Variants in MACF1 observed in about 807,000 individuals in gnomAD.
MACF1 encodes the protein microtubule actin crosslinking factor 1.
In MACF1, 193 loss-of-function variants were observed where a neutral mutation model predicts 854.8. That is an observed-to-expected ratio of 0.23 (90% confidence interval 0.20 to 0.25). MACF1 has a LOEUF of 0.25. MACF1 is among the 10% of genes least tolerant of loss of function. The pLI is 1.00. For missense variants in MACF1, 7,722 were observed against 8,929.1 expected, an observed-to-expected ratio of 0.86 and a Z score of 5.45; for synonymous variants, 3,185 against 3,226.7, an observed-to-expected ratio of 0.99 and a Z score of 0.44.
Position 39,335,581 on chromosome 1 carries a change from A to C in MACF1, c.8993A>C (p.Lys2998Thr), listed in dbSNP as rs759735134. The C allele has an allele frequency of 6.8e-6, 11 of 1,614,212 alleles. No homozygotes were observed. Among genetic ancestry groups the C allele is most frequent in the Non-Finnish European group, 8.5e-6 (10 of 1,180,022 alleles). Residue 2998 changes from lysine (K) to threonine (T), a missense_variant, in exon 37 of 101, where the codon AAG becomes ACG. Physicochemically the swap from Lys to Thr is moderately conservative, Grantham distance 78. Coordinates refer to ENST00000564288, the MANE Select transcript of MACF1 (RefSeq NM_001394062.1). Reference sequence around the variant, plus strand: ...AAACCAGCATTTCTTTCTGAAGAAAAGTTGTATCAGGAAACTGCCATTAGA... The same window carrying C: ...AAACCAGCATTTCTTTCTGAAGAAACGTTGTATCAGGAAACTGCCATTAGA... ...TCKPAFLSEE[K>T]LYQETAIRDE...
At chr1:39,184,485 G>C (rs1246228889) in intron 2 of MACF1, among the ~76,000 whole-genome samples, 1 of 152,122 alleles carries the variant, frequency 6.6e-6, no homozygotes, top group Non-Finnish European at 1.5e-5. Context: ...ATTTTGGCAA[G>C]AGCTAGATCT....
In MACF1 at chr1:39,265,710, G is replaced by A. The variant is rs539086624; in HGVS notation, c.528+7682G>A. ...GTACAGTTTCTACTGAATGCATATG[G>A]ATTTCTCACCACTGGAAAGTCGAAA... On this transcript the variant is annotated intron_variant, in intron 6 of 100. Transcript: ENST00000564288. Among the ~76,000 whole-genome samples, 59 of 152,294 alleles carry A rather than the reference G, an allele frequency of 3.9e-4. 1 individual carries two copies. In the South Asian group the frequency reaches 0.012, roughly 32 times the overall value.
intron 2 of MACF1, among the ~76,000 whole-genome samples, chr1:39,239,424 A>T (rs1644896786): frequency 6.6e-6 from 1 of 152,216 alleles, no homozygotes; most frequent in Non-Finnish European, 1.5e-5. Flanking sequence ...AAGCAAATTA[A>T]TTCCTCCTTA....
chr1:39,442,389 C>T (rs1373195419), intron 76 of MACF1, 23 bp from the exon 77 acceptor site: 3 of 1,610,518 alleles, frequency 1.9e-6, no homozygotes, highest in Non-Finnish European at 2.5e-6. Flanking sequence ...TTGAATATTC[C>T]CTTTCTGTCT....
At chr1:39,213,105 C>T (rs541571272) in intron 1 of MACF1, among the ~76,000 whole-genome samples, 7 of 152,124 alleles carry the variant, frequency 4.6e-5, no homozygotes. Context: ...AGTTATTTAA[C>T]CTTTTAAAGT....
At chr1:39,127,667 A>T (rs750397372) in intron 2 of MACF1, among the ~76,000 whole-genome samples, 1 of 152,156 alleles carries the variant, frequency 6.6e-6, no homozygotes, top group Non-Finnish European at 1.5e-5. Flanking sequence ...CCTTTTCTCT[A>T]AAAACTCCTA....
chr1:39,378,609 G>A, intron 53 of MACF1, 86 bp downstream of exon 53: 4 of 1,298,212 alleles, frequency 3.1e-6, no homozygotes, highest in Non-Finnish European at 4.4e-6. Context: ...GCAATATGTG[G>A]TGGAAGAACT....
chr1:39,316,563 T>A (rs755750199), intron 28 of MACF1, 34 bp downstream of exon 28: 9 of 1,590,376 alleles, frequency 5.7e-6, no homozygotes, highest in Non-Finnish European at 7.7e-6. Flanking sequence ...GAGGTTGACC[T>A]AACATATTCA....
Position 39,285,230 on chromosome 1 carries a change from G to A in MACF1, c.1259+20G>A. The A allele has an allele frequency of 1.2e-6, 2 of 1,614,186 alleles. No homozygotes were observed. Among genetic ancestry groups the A allele is most frequent in the Non-Finnish European group, 1.7e-6 (2 of 1,180,034 alleles). ...GGAGAGGTGGGTCCAGATCCTGAGA[G>A]TGGTCTGACATTATTTATTGAGCTG... On this transcript the variant is annotated intron_variant, in intron 12 of 100. Transcript: ENST00000564288.
At chr1:39,252,869 A>G (rs1035162909) in intron 4 of MACF1, among the ~76,000 whole-genome samples, 2 of 152,214 alleles carry the variant, frequency 1.3e-5, no homozygotes, top group Non-Finnish European at 2.9e-5. Context: ...AGTGTTGCTT[A>G]GAAGTGTTGG....
intron 2 of MACF1, among the ~76,000 whole-genome samples, chr1:39,102,142 A>T (rs924573869): frequency 1.2e-4 from 18 of 151,944 alleles, no homozygotes; most frequent in African/African-American, 3.6e-4. Flanking sequence ...GCGCCACTGC[A>T]CTCCAGCCTG....
At chr1:39,465,703 AC>A (rs1205382585) in intron 95 of MACF1, among the ~76,000 whole-genome samples, 1 of 152,114 alleles carries the variant, frequency 6.6e-6, no homozygotes, top group Non-Finnish European at 1.5e-5. Context: ...GGTAACTCTA[AC>A]CTTTCAGATC....
intron 6 of MACF1, among the ~76,000 whole-genome samples, chr1:39,262,141 C>G (rs1016815437): frequency 6.6e-6 from 1 of 152,036 alleles, no homozygotes; most frequent in African/African-American, 2.4e-5. Flanking sequence ...ATGGCTCACA[C>G]CTGTAATCCC....
chr1:39,092,496 C>CAAAT (rs1641831053), intron 2 of MACF1, among the ~76,000 whole-genome samples: 1 of 152,222 alleles, frequency 6.6e-6, no homozygotes, highest in African/African-American at 2.4e-5. Context: ...ATACACTGAG[C>CAAAT]AAATAATGGA....
chr1:39,473,187 G>C (rs553674067), intron 97 of MACF1, among the ~76,000 whole-genome samples: 6 of 152,308 alleles, frequency 3.9e-5, no homozygotes, highest in Admixed American at 3.9e-4. Flanking sequence ...CATGCACCCA[G>C]CTAGGAAAGC....
intron 96 of MACF1, 98 bp from the exon 97 acceptor site, chr1:39,469,449 A>C: frequency 1.2e-6 from 1 of 837,620 alleles, no homozygotes; most frequent in Admixed American, 2.0e-5. Context: ...GTGGGTGCAC[A>C]GGAGGCTCCC....
chr1:39,285,750 G>A lies in MACF1; in HGVS notation c.1500G>A (p.Leu500=), dbSNP rs752728989. 9.9e-6 allele frequency: 16 copies of A among 1,613,944 alleles called. No homozygotes were observed. The Admixed American group carries it at 2.0e-4, about 20-fold the overall frequency. Residue 500 remains leucine (L), a synonymous_variant, in exon 14 of 101, where the codon CTG becomes CTA. Coordinates refer to ENST00000564288, the MANE Select transcript of MACF1 (RefSeq NM_001394062.1). ...AGAATTACTACCAGCTAGAAGAGCTGGCTTTTAGGTGAGGAACAAGGGACT... is the reference window on the plus strand; with the variant it reads ...AGAATTACTACCAGCTAGAAGAGCTAGCTTTTAGGTGAGGAACAAGGGACT... ...RDENYYQLEE[L]AFRVMRLQDE... is the part of the protein sequence containing the mutation.
At chr1:39,438,082 C>T in intron 71 of MACF1, 74 bp downstream of exon 71, 1 of 1,335,282 alleles carries the variant, frequency 7.5e-7, no homozygotes, top group Admixed American at 2.1e-5. Flanking sequence ...CAGCATCCCA[C>T]CAGATTTATT....
At chr1:39,392,532 A>C (rs1414778998) in intron 58 of MACF1, among the ~76,000 whole-genome samples, 1 of 152,142 alleles carries the variant, frequency 6.6e-6, no homozygotes, top group African/African-American at 2.4e-5. Flanking sequence ...TTTTTAATGG[A>C]ATCATACTTT....
Sources: gnomAD v4.1 joint callset for allele counts (sites outside exome capture counted in the v4.1 genomes callset) on GRCh38, gnomAD v4.1.1 for gene constraint, MANE v1.5 for transcripts, NCBI Gene and HGNC (gene_info 2026-07-23, HGNC 2026-07-21) for gene names.